AGBL2: variants seen among roughly 807,000 people sequenced by gnomAD.
AGBL2 encodes AGBL carboxypeptidase 2.
Under a neutral mutation model 103.0 loss-of-function variants are expected in AGBL2, and 87 were observed. The observed-to-expected ratio is 0.84, with a 90% CI of 0.71 to 1.01. The LOEUF (loss-of-function observed/expected upper bound fraction) is 1.01, where lower values mean the gene tolerates loss of function less well. Among genes scored for constraint, AGBL2 ranks in the 50% least tolerant of loss-of-function variants. The probability of loss-of-function intolerance (pLI) is 0.00; values close to 1 mark genes in which losing one functional copy is unlikely to be tolerated. For synonymous variants in AGBL2, 335 were observed against 356.7 expected, an observed-to-expected ratio of 0.94 and a Z score of 0.69; for missense variants, 904 against 1,023.5, an observed-to-expected ratio of 0.88 and a Z score of 1.59.
At chr11:47,714,899 C>G in intron 1 of AGBL2, 149 bp from the exon 2 acceptor site, 2 of 530,690 alleles carry the variant, frequency 3.8e-6, no homozygotes, top group South Asian at 2.1e-5. Flanking sequence ...GCATCTGAGA[C>G]AGGGAGGGCA....
At chr11:47,701,168 T>A (rs549835563) in intron 7 of AGBL2, among the ~76,000 whole-genome samples, 161 of 151,852 alleles carry the variant, frequency 1.1e-3, no homozygotes, top group African/African-American at 3.8e-3. Flanking sequence ...AATTGCTTTA[T>A]AAAAGATCAT....
At position 47,677,411 on chromosome 11, in the gene AGBL2, T is replaced by A; in HGVS notation, c.2017-10A>T. ...CTAGACACTGAGTGAACTATGAAAG[T>A]GAAAAAAAGAACTATTTTGTTAATT... On this transcript the variant is annotated splice_polypyrimidine_tract_variant and intron_variant, in intron 13 of 18. Transcript: ENST00000525123. The A allele has an allele frequency of 6.8e-7, 1 of 1,468,272 alleles. No homozygotes were observed. The highest frequency in any genetic ancestry group is 2.5e-5 in the Admixed American group (1 of 40,328). The allele number at this position is 1,468,272 out of a possible 1,614,324, so 91.0% of individuals were successfully genotyped here. A position where few individuals can be genotyped will look rare whatever the true frequency, so the allele number is the denominator to read the frequency against.
chr11:47,700,053 G>GTT (rs1205771586), intron 7 of AGBL2, among the ~76,000 whole-genome samples: 1 of 151,960 alleles, frequency 6.6e-6, no homozygotes, highest in Non-Finnish European at 1.5e-5. Flanking sequence ...CGCCTCCCGG[G>GTT]TTCAAGCGAT....
intron 14 of AGBL2, 40 bp from the exon 15 acceptor site, chr11:47,668,947 T>C: frequency 1.4e-6 from 2 of 1,413,954 alleles, no homozygotes; most frequent in Non-Finnish European, 2.0e-6. Flanking sequence ...ATAACTGTCA[T>C]TGATATGTCT....
intron 11 of AGBL2, among the ~76,000 whole-genome samples, chr11:47,683,093 G>A (rs1436121556): frequency 3.3e-5 from 5 of 152,112 alleles, no homozygotes; most frequent in Admixed American, 1.3e-4. Context: ...AAGAGAGGCC[G>A]GGTATGGTGG....
chr11:47,699,554 C>G lies in AGBL2; in HGVS notation c.587-1G>C. 6.4e-7 allele frequency: 1 copy of G among 1,555,368 alleles called. No individual in the cohort carries two copies. Among genetic ancestry groups the G allele is most frequent in the Non-Finnish European group, 8.8e-7 (1 of 1,134,676 alleles). On this transcript the variant is annotated splice_acceptor_variant, in intron 7 of 18. Transcript: ENST00000525123. LOFTEE classifies it high-confidence loss of function. Reference sequence around the variant, plus strand: ...TATTCTGGTTGAGGTGGAGCCCACTCTGAAAGAAGACATTTTAAAAAGTAC... The same window carrying G: ...TATTCTGGTTGAGGTGGAGCCCACTGTGAAAGAAGACATTTTAAAAAGTAC...
chr11:47,695,935 C>T (rs536288106), intron 8 of AGBL2, among the ~76,000 whole-genome samples: 7 of 136,012 alleles, frequency 5.1e-5, no homozygotes, highest in Non-Finnish European at 6.1e-5. Context: ...GAGGCGGAGG[C>T]AGGTGGATCA....
At chr11:47,701,868 G>A (rs374885901) in intron 7 of AGBL2, among the ~76,000 whole-genome samples, 2 of 151,818 alleles carry the variant, frequency 1.3e-5, no homozygotes, top group East Asian at 3.9e-4. Context: ...CAGCTACTTG[G>A]GAGGCTGTGG....
Position 47,690,286 on chromosome 11 carries a change from C to G in AGBL2, c.1421G>C (p.Gly474Ala), listed in dbSNP as rs1303966337. Reference protein sequence around the residue: ...GESNGSWVMKGFLDFILSNSP... With the variant: ...GESNGSWVMKAFLDFILSNSP... The stretch of plus-strand genomic sequence containing the variant: ...GTTGCTAAGGATGAAGTCCAAAAAG[C>G]CTTTCATAACCCAGGAGCCATTACT... The change falls in exon 10 of 19, where the codon GGC becomes GCC. Residue 474 changes from glycine (G) to alanine (A), a missense_variant. By Grantham distance (60) the Gly-to-Ala change is moderately conservative. Transcript: ENST00000525123. 8 of 1,613,530 alleles carry G rather than the reference C, an allele frequency of 5.0e-6. No individual in the cohort carries two copies. Among genetic ancestry groups the G allele is most frequent in the South Asian group, 1.1e-5 (1 of 91,002 alleles).
chr11:47,681,495 T>C (rs1347930488), intron 12 of AGBL2, among the ~76,000 whole-genome samples: 1 of 152,156 alleles, frequency 6.6e-6, no homozygotes, highest in Non-Finnish European at 1.5e-5. Context: ...TGAGACAGAG[T>C]CTCGCTCTGT....
Position 47,663,077 on chromosome 11 carries a change from CA to C in AGBL2, c.2483del (p.Leu828ArgfsTer8). 2 of 1,598,372 alleles carry C rather than the reference CA, an allele frequency of 1.3e-6. No homozygotes were observed. The highest frequency in any genetic ancestry group is 1.7e-6 in the Non-Finnish European group (2 of 1,176,792). ...NLNRRDKDTP[L>X]DPSMATLILP... ...GAATCAGGGTGGCCATTGATGGGTC[CA>C]GGGGGGTGTCTTTGTCTCTTCTATT... is the stretch of plus-strand genomic sequence containing the variant. On this transcript the variant is annotated frameshift_variant, in exon 18 of 19. Transcript: ENST00000525123. LOFTEE classifies it high-confidence loss of function.
chr11:47,684,866 A>G (rs758196761), intron 11 of AGBL2, among the ~76,000 whole-genome samples: 8 of 152,108 alleles, frequency 5.3e-5, no homozygotes, highest in Non-Finnish European at 1.0e-4. Flanking sequence ...CTCTTCTTCC[A>G]GGGTCAACCA....
intron 9 of AGBL2, among the ~76,000 whole-genome samples, chr11:47,691,233 C>T (rs2097444165): frequency 6.6e-6 from 1 of 151,862 alleles, no homozygotes. Flanking sequence ...CATTGCTCTC[C>T]AGCCTGAGCA....
At chr11:47,692,782 A>C (rs928795457) in intron 8 of AGBL2, among the ~76,000 whole-genome samples, 15 of 151,492 alleles carry the variant, frequency 9.9e-5, no homozygotes, top group Admixed American at 4.0e-4. Context: ...GCCACATCCA[A>C]GGTCATGAAG....
At chr11:47,670,748 C>T (rs1231666290) in intron 14 of AGBL2, among the ~76,000 whole-genome samples, 1 of 150,988 alleles carries the variant, frequency 6.6e-6, no homozygotes, top group Non-Finnish European at 1.5e-5. Context: ...AATCCCAGCA[C>T]TTTGGGAGGC....
intron 9 of AGBL2, 67 bp from the exon 10 acceptor site, chr11:47,690,925 T>C (rs544121474): frequency 2.9e-5 from 38 of 1,302,976 alleles, no homozygotes; most frequent in Non-Finnish European, 3.9e-5. Flanking sequence ...ATTGGGAAAA[T>C]GTTGTTTTCT....
Position 47,664,390 on chromosome 11 carries a change from G to C in AGBL2, c.2449-1278C>G, listed in dbSNP as rs114826339. On this transcript the variant is annotated intron_variant, in intron 17 of 18. Transcript: ENST00000525123. ...GCCTCCCAAGTAGCTAGGACTACAG[G>C]GGCAGGCTACCACATCCAGCTAAGT... Among the ~76,000 whole-genome samples the C allele has an allele frequency of 5.9e-3, 894 of 151,612 alleles. 9 individuals are homozygous for C. The highest frequency in any genetic ancestry group is 0.021 in the African/African-American group (859 of 41,318).
At position 47,690,430 on chromosome 11, in the gene AGBL2, C is replaced by T; in HGVS notation, c.1277G>A (p.Cys426Tyr). 1 of 1,614,134 alleles carries T rather than the reference C, an allele frequency of 6.2e-7. No individual in the cohort carries two copies. Among genetic ancestry groups the T allele is most frequent in the Non-Finnish European group, 8.5e-7 (1 of 1,180,030 alleles). ...AACGGTATTTCCTGCTAGGCTCCTG[C>T]ATAAAGTTTGGAGCTTGCAGAACTG... ...QSQFCKLQTL[C>Y]RSLAGNTVYL... The change falls in exon 10 of 19, where the codon TGC becomes TAC. Residue 426 changes from cysteine (C) to tyrosine (Y), a missense_variant. Transcript: ENST00000525123.
At chr11:47,708,429 C>T (rs1159719466) in intron 4 of AGBL2, among the ~76,000 whole-genome samples, 2 of 151,748 alleles carry the variant, frequency 1.3e-5, no homozygotes, top group Admixed American at 1.3e-4. Context: ...GGAAATGAAC[C>T]CTTTGGCATA....
Sources: gnomAD v4.1 joint callset for allele counts (sites outside exome capture counted in the v4.1 genomes callset) on GRCh38, gnomAD v4.1.1 for gene constraint, MANE v1.5 for transcripts, NCBI Gene and HGNC (gene_info 2026-07-23, HGNC 2026-07-21) for gene names.